Variants in PCOLCE2 observed in about 807,000 individuals in gnomAD.
PCOLCE2 encodes the protein procollagen C-endopeptidase enhancer 2, also known as procollagen C-proteinase enhancer 2.
In PCOLCE2, 42 loss-of-function variants were observed where a neutral mutation model predicts 47.0. The observed-to-expected ratio is 0.89, with a 90% CI of 0.70 to 1.16. The LOEUF (loss-of-function observed/expected upper bound fraction) is 1.16, where lower values mean the gene tolerates loss of function less well. Among genes scored for constraint, PCOLCE2 ranks in the 50% most tolerant of loss-of-function variants. The pLI is 0.00. For synonymous variants in PCOLCE2, 169 were observed against 191.7 expected (o/e 0.88, Z 0.98); for missense variants, 500 against 526.1 (o/e 0.95, Z 0.49).
chr3:142,862,970 T>A (rs779548322), intron 2 of PCOLCE2, among the ~76,000 whole-genome samples: 4 of 152,044 alleles, frequency 2.6e-5, no homozygotes, highest in Non-Finnish European at 4.4e-5. Context: ...GAAATGGACC[T>A]GCTAAATCAA....
rs1936972029 is a variant in PCOLCE2 at position 142,818,194 on chromosome 3, C to CA, written c.*140dup. ...TATCTCGGAGGCCTCATACCTCCAT[C>CA]ATGTGAAGAGTCAACCAGTCCCATC... On this transcript the variant is annotated 3_prime_UTR_variant, in exon 9 of 9. Transcript: ENST00000295992. 2.7e-6 allele frequency: 2 copies of CA among 743,136 alleles called. No individual in the cohort carries two copies. Among genetic ancestry groups the CA allele is most frequent in the Non-Finnish European group, 4.3e-6 (2 of 461,302 alleles). 46.0% of individuals were successfully genotyped at this position (743,136 alleles called of 1,614,324 possible).
chr3:142,846,131 T>C (rs772294549), intron 3 of PCOLCE2, among the ~76,000 whole-genome samples: 8 of 152,250 alleles, frequency 5.3e-5, no homozygotes, highest in Non-Finnish European at 8.8e-5. Context: ...AATTATAATG[T>C]GCATGGGGGT....
intron 3 of PCOLCE2, among the ~76,000 whole-genome samples, chr3:142,845,893 T>C (rs1249858940): frequency 6.6e-6 from 1 of 152,122 alleles, no homozygotes; most frequent in Non-Finnish European, 1.5e-5. Flanking sequence ...AAAAATCGCT[T>C]GAACCTGGGA....
chr3:142,887,650 CT>C lies in PCOLCE2; in HGVS notation c.192+18del. 1 of 1,310,796 alleles carries C rather than the reference CT, an allele frequency of 7.6e-7. No individual in the cohort carries two copies. The allele number at this position is 1,310,796 out of a possible 1,614,324, so 81.2% of individuals were successfully genotyped here. A position where few individuals can be genotyped will look rare whatever the true frequency, so the allele number is the denominator to read the frequency against. On this transcript the variant is annotated intron_variant, in intron 2 of 8. Coordinates refer to ENST00000295992, the MANE Select transcript of PCOLCE2 (RefSeq NM_013363.4). ...CCAACACCCACTTCCAGGAGAATAC[CT>C]TTTTAAAAAATGCTTACTGTGATTT...
intron 2 of PCOLCE2, among the ~76,000 whole-genome samples, chr3:142,853,647 C>G (rs1318297710): frequency 6.6e-6 from 1 of 152,234 alleles, no homozygotes; most frequent in Non-Finnish European, 1.5e-5. Flanking sequence ...TGCCTGGCAG[C>G]AGAGCTCCAA....
intron 2 of PCOLCE2, among the ~76,000 whole-genome samples, chr3:142,872,243 A>G (rs1933406103): frequency 6.6e-6 from 1 of 152,036 alleles, no homozygotes; most frequent in Non-Finnish European, 1.5e-5. Context: ...TTACTGTACT[A>G]TCCTTTGTAG....
intron 3 of PCOLCE2, among the ~76,000 whole-genome samples, chr3:142,845,842 G>A (rs1458191324): frequency 6.6e-6 from 1 of 152,130 alleles, no homozygotes; most frequent in African/African-American, 2.4e-5. Flanking sequence ...AGGCATGGTG[G>A]CGCATGCCTG....
chr3:142,882,782 C>T (rs1263434516), intron 2 of PCOLCE2, among the ~76,000 whole-genome samples: 1 of 151,952 alleles, frequency 6.6e-6, no homozygotes, highest in African/African-American at 2.4e-5. Flanking sequence ...GTAAATTATG[C>T]CCAGTTTTAA....
At chr3:142,827,908 C>T (rs753597936) in intron 6 of PCOLCE2, among the ~76,000 whole-genome samples, 12 of 152,190 alleles carry the variant, frequency 7.9e-5, no homozygotes, top group Non-Finnish European at 1.5e-4. Context: ...GCAGTATCCC[C>T]CTAGCTGTGC....
intron 6 of PCOLCE2, among the ~76,000 whole-genome samples, chr3:142,823,924 G>C (rs1937043993): frequency 6.6e-6 from 1 of 152,148 alleles, no homozygotes; most frequent in Non-Finnish European, 1.5e-5. Context: ...CGTACTCTGA[G>C]TGTGTGCCCT....
At chr3:142,866,023 G>A (rs1311671928) in intron 2 of PCOLCE2, among the ~76,000 whole-genome samples, 2 of 152,194 alleles carry the variant, frequency 1.3e-5, no homozygotes, top group African/African-American at 4.8e-5. Flanking sequence ...TGGCAAAGGT[G>A]TCAATGCTCT....
At chr3:142,841,474 AC>A (rs1937263800) in intron 4 of PCOLCE2, among the ~76,000 whole-genome samples, 1 of 152,238 alleles carries the variant, frequency 6.6e-6, no homozygotes, top group Non-Finnish European at 1.5e-5. Flanking sequence ...AAATATATTT[AC>A]AAATGTCACA....
intron 2 of PCOLCE2, among the ~76,000 whole-genome samples, chr3:142,854,053 T>G (rs937678631): frequency 1.3e-5 from 2 of 152,190 alleles, no homozygotes; most frequent in African/African-American, 4.8e-5. Context: ...TTTGCATTTT[T>G]AGGATACTAT....
chr3:142,875,254 T>G (rs1933473780), intron 2 of PCOLCE2, among the ~76,000 whole-genome samples: 1 of 152,190 alleles, frequency 6.6e-6, no homozygotes, highest in Non-Finnish European at 1.5e-5. Context: ...GCGCAATGGC[T>G]CAAGCTCCCA....
chr3:142,848,446 G>A lies in PCOLCE2; in HGVS notation c.219C>T (p.Leu73=), dbSNP rs769008057. 1.2e-6 allele frequency: 2 copies of A among 1,600,826 alleles called. No homozygotes were observed. The highest frequency in any genetic ancestry group is 1.1e-5 in the South Asian group (1 of 90,614). The change falls in exon 3 of 9, where the codon CTC becomes CTT. Residue 73 remains leucine, a synonymous_variant. Coordinates refer to ENST00000295992, the MANE Select transcript of PCOLCE2 (RefSeq NM_013363.4). ...ITVPEGKVVV[L]NFRFIDLESD... ...TCTCGAGGTCTATGAATCGGAAATT[G>A]AGAACGACTACTTTTCCTTCGGGAA...
intron 3 of PCOLCE2, among the ~76,000 whole-genome samples, chr3:142,843,875 A>G (rs919977102): frequency 6.6e-6 from 1 of 152,214 alleles, no homozygotes; most frequent in Non-Finnish European, 1.5e-5. Flanking sequence ...TAAATTTAAG[A>G]TAATGTATTA....
At chr3:142,878,692 T>C (rs1933548021) in intron 2 of PCOLCE2, among the ~76,000 whole-genome samples, 1 of 152,088 alleles carries the variant, frequency 6.6e-6, no homozygotes, top group South Asian at 2.1e-4. Context: ...CTATCTCTAC[T>C]AAAAATACAA....
Position 142,842,798 on chromosome 3 carries a change from TTCC to T in PCOLCE2, c.573+123_573+125del. On this transcript the variant is annotated intron_variant, in intron 4 of 8. Coordinates refer to ENST00000295992, the MANE Select transcript of PCOLCE2 (RefSeq NM_013363.4). This position sits in a 1 kb window ranked among gnomAD's most constrained non-coding sequence, Gnocchi z 4.1. ...GAAGAAATACCTGTGTCCAGGAACC[TTCC>T]TCTTCTTGTATCCCTTAGCTCTCGA... is the stretch of plus-strand genomic sequence containing the variant. The T allele has an allele frequency of 1.1e-6, 1 of 888,820 alleles. No individual in the cohort carries two copies. The highest frequency in any genetic ancestry group is 1.8e-6 in the Non-Finnish European group (1 of 567,896). 55.1% of individuals were successfully genotyped at this position (888,820 alleles called of 1,614,324 possible). A position where few individuals can be genotyped will look rare whatever the true frequency, so the allele number is the denominator to read the frequency against.
chr3:142,821,305 T>C (rs937119964), intron 7 of PCOLCE2, among the ~76,000 whole-genome samples: 2 of 152,204 alleles, frequency 1.3e-5, no homozygotes, highest in African/African-American at 2.4e-5. Context: ...ATTGCCAAGG[T>C]TGAAACTCTT....
Sources: gnomAD v4.1 joint callset for allele counts (sites outside exome capture counted in the v4.1 genomes callset) on GRCh38, gnomAD v4.1.1 for gene constraint, Gnocchi (gnomAD v3.1) non-coding constraint, MANE v1.5 for transcripts, NCBI Gene and HGNC (gene_info 2026-07-23, HGNC 2026-07-21) for gene names.